Variants in CDH20 observed in about 807,000 individuals in gnomAD.
The protein encoded by CDH20 is cadherin 20.
Under a neutral mutation model 74.2 loss-of-function variants are expected in CDH20, and 29 were observed. The ratio of observed to expected loss-of-function variants is 0.39; its 90% confidence interval spans 0.29 to 0.53. CDH20 has a LOEUF of 0.53. CDH20 is among the 20% of genes least tolerant of loss of function. CDH20 has a pLI of 0.69. For missense variants in CDH20, 988 were observed against 1,048.3 expected, an observed-to-expected ratio of 0.94 and a Z score of 0.79; for synonymous variants, 469 against 405.4, an observed-to-expected ratio of 1.16 and a Z score of -1.88.
At position 61,396,742 on chromosome 18, in the gene CDH20, T is replaced by A. The variant is rs145346086; in HGVS notation, c.-153+62915T>A. Among the ~76,000 whole-genome samples the A allele has an allele frequency of 3.1e-3, 465 of 152,302 alleles. 4 individuals are homozygous for A. The highest frequency in any genetic ancestry group is 0.011 in the African/African-American group (454 of 41,556). On this transcript the variant is annotated intron_variant, in intron 1 of 11. Coordinates refer to ENST00000262717, the MANE Select transcript of CDH20 (RefSeq NM_031891.4). Reference sequence around the variant, plus strand: ...GAGACCAACTTTAGTTTTTCATTATTCCCTTTCCATTCTGAGCCTCTATCC... The same window carrying A: ...GAGACCAACTTTAGTTTTTCATTATACCCTTTCCATTCTGAGCCTCTATCC...
At chr18:61,446,900 T>C (rs1175176427) in intron 1 of CDH20, among the ~76,000 whole-genome samples, 1 of 152,208 alleles carries the variant, frequency 6.6e-6, no homozygotes, top group African/African-American at 2.4e-5. Flanking sequence ...GCAAACCAAG[T>C]TGCCACATGT....
chr18:61,335,549 T>C (rs1018259887), intron 1 of CDH20, among the ~76,000 whole-genome samples: 1 of 152,224 alleles, frequency 6.6e-6, no homozygotes, highest in Non-Finnish European at 1.5e-5. Context: ...TCTTAGAGTC[T>C]ACTTAGGCTG....
intron 1 of CDH20, among the ~76,000 whole-genome samples, chr18:61,355,665 C>A (rs929725297): frequency 1.1e-4 from 17 of 152,032 alleles, no homozygotes; most frequent in African/African-American, 4.1e-4. Flanking sequence ...TTAAAATAAA[C>A]AAGTAAATAT....
At chr18:61,512,057 A>G (rs1911801717) in intron 6 of CDH20, among the ~76,000 whole-genome samples, 1 of 152,224 alleles carries the variant, frequency 6.6e-6, no homozygotes, top group Non-Finnish European at 1.5e-5. Context: ...TATAAAATTG[A>G]AACAAAAGTT....
intron 1 of CDH20, among the ~76,000 whole-genome samples, chr18:61,423,869 G>C (rs1287779133): frequency 6.6e-6 from 1 of 152,142 alleles, no homozygotes; most frequent in Non-Finnish European, 1.5e-5. Flanking sequence ...ATTAATTAAA[G>C]AGTATAGCAT....
rs1000301900 is a variant in CDH20 at position 61,353,462 on chromosome 18, C to T, written c.-153+19635C>T. 2.0e-5 allele frequency among the ~76,000 whole-genome samples: 3 copies of T among 152,130 alleles called. No individual in the cohort carries two copies. Among genetic ancestry groups the T allele is most frequent in the Non-Finnish European group, 4.4e-5 (3 of 68,028 alleles). ...TAAAATGGACTTCATATTGCAATAC[C>T]AGTACTAATCATTTGTCTACTTGTG... is the stretch of plus-strand genomic sequence containing the variant. On this transcript the variant is annotated intron_variant, in intron 1 of 11. Coordinates refer to ENST00000262717, the MANE Select transcript of CDH20 (RefSeq NM_031891.4). The surrounding 1 kb of genome is among the most constrained non-coding windows in gnomAD (Gnocchi z 4.6).
intron 10 of CDH20, among the ~76,000 whole-genome samples, chr18:61,547,877 C>T (rs1245217107): frequency 6.6e-6 from 1 of 152,122 alleles, no homozygotes; most frequent in Non-Finnish European, 1.5e-5. Flanking sequence ...CAATGTGATG[C>T]TCTGATATTT....
chr18:61,432,234 A>G (rs1036045885), intron 1 of CDH20, among the ~76,000 whole-genome samples: 1 of 145,850 alleles, frequency 6.9e-6, no homozygotes, highest in African/African-American at 2.7e-5. Context: ...ACAAGAACAA[A>G]ACTCTATCTC....
intron 1 of CDH20, among the ~76,000 whole-genome samples, chr18:61,354,379 G>A (rs985286428): frequency 6.6e-6 from 1 of 152,164 alleles, no homozygotes; most frequent in African/African-American, 2.4e-5. Flanking sequence ...AGGCCAAGGA[G>A]GGCAGATCAC....
chr18:61,541,856 A>G (rs1390060289), intron 9 of CDH20, among the ~76,000 whole-genome samples: 1 of 152,182 alleles, frequency 6.6e-6, no homozygotes, highest in Non-Finnish European at 1.5e-5. Flanking sequence ...ACAAGGGCGG[A>G]ATGAAACCAG....
rs763806655 is a variant in CDH20, at chr18:61,490,654, C to T, written c.101C>T (p.Ser34Leu). ...GLMDLTTTVL[S>L]DTPTPQGELE... ...ATGGACCTTACGACCACCGTTCTCT[C>T]GGACACCCCAACACCACAAGGTGAA... is the stretch of plus-strand genomic sequence containing the variant. The change falls in exon 2 of 12, where the codon TCG becomes TTG. Residue 34 changes from serine to leucine, a missense_variant. By Grantham distance (145) the Ser-to-Leu change is moderately radical. Around this residue, in one of 2 missense-constraint regions of CDH20, gnomAD observed 613 missense variants for 755.2 expected, o/e 0.81. Transcript: ENST00000262717. 58 of 1,613,970 alleles carry T rather than the reference C, an allele frequency of 3.6e-5. No homozygotes were observed. Among genetic ancestry groups the T allele is most frequent in the South Asian group, 5.5e-5 (5 of 91,082 alleles).
chr18:61,397,206 C>G (rs746313600), intron 1 of CDH20, among the ~76,000 whole-genome samples: 13 of 152,066 alleles, frequency 8.5e-5, no homozygotes, highest in Non-Finnish European at 1.8e-4. Context: ...TGGAACCCAC[C>G]CACATCTCTG....
intron 1 of CDH20, among the ~76,000 whole-genome samples, chr18:61,466,086 C>CTA (rs35791225): frequency 0.18 from 25,186 of 142,186 alleles, 2,986 homozygotes; most frequent in African/African-American, 0.34. Context: ...TCTCATTAAG[C>CTA]TATATATATA....
intron 9 of CDH20, among the ~76,000 whole-genome samples, chr18:61,544,571 C>T (rs1913162173): frequency 6.6e-6 from 1 of 152,148 alleles, no homozygotes; most frequent in South Asian, 2.1e-4. Flanking sequence ...TTCGGGCTTC[C>T]CAGTGGCCAG....
rs928615387 is a variant in CDH20, at chr18:61,499,353, C to T, written c.414C>T (p.Asp138=). The T allele has an allele frequency of 2.5e-6, 4 of 1,613,966 alleles. No homozygotes were observed. In the Admixed American group the frequency reaches 5.0e-5, roughly 20 times the overall value. ...AQYTLRAQAL[D]RRTGRPMEPE... ...ATACTCTAAGGGCTCAAGCCCTAGA[C>T]AGGCGGACGGGCAGGCCAATGGAGC... The change falls in exon 3 of 12, where the codon GAC becomes GAT. Residue 138 remains aspartate (D), a synonymous_variant. Transcript: ENST00000262717.
intron 6 of CDH20, among the ~76,000 whole-genome samples, chr18:61,514,191 G>C (rs1434524747): frequency 6.6e-6 from 1 of 151,372 alleles, no homozygotes; most frequent in Non-Finnish European, 1.5e-5. Context: ...TGGAGGCTTT[G>C]CTCATTTCTT....
At chr18:61,529,239 G>A (rs554539935) in intron 7 of CDH20, among the ~76,000 whole-genome samples, 1 of 152,306 alleles carries the variant, frequency 6.6e-6, no homozygotes, top group East Asian at 1.9e-4. Context: ...TGAATCTGGG[G>A]CTTTAGTGCA....
chr18:61,344,612 A>G (rs7240011), intron 1 of CDH20, among the ~76,000 whole-genome samples: 1,853 of 152,312 alleles, frequency 0.012, 41 homozygotes, highest in African/African-American at 0.043. Context: ...TCTGTTAACC[A>G]TGATATCACT....
intron 6 of CDH20, among the ~76,000 whole-genome samples, chr18:61,515,600 T>TA (rs1424872860): frequency 1.3e-4 from 20 of 151,310 alleles, no homozygotes; most frequent in Non-Finnish European, 2.2e-4. Context: ...TATGCAGCCA[T>TA]AAAAAATGAT....
Sources: allele counts gnomAD v4.1 joint callset (sites outside exome capture counted in the v4.1 genomes callset), GRCh38; gene constraint gnomAD v4.1.1; regional missense constraint gnomAD v4.1.1; non-coding constraint Gnocchi (gnomAD v3.1); transcripts MANE v1.5; gene names NCBI Gene and HGNC (gene_info 2026-07-23, HGNC 2026-07-21).